The following DIMT1 variants were observed in gnomAD, a reference collection of about 807,000 sequenced individuals.
DIMT1 encodes dimethyladenosine transferase.
Under a neutral mutation model 43.2 loss-of-function variants are expected in DIMT1, and 36 were observed. The ratio of observed to expected loss-of-function variants is 0.83; its 90% confidence interval spans 0.64 to 1.10. The LOEUF is 1.10. Among genes scored for constraint, DIMT1 ranks in the 50% least tolerant of loss-of-function variants. The probability of loss-of-function intolerance (pLI) is 0.00; values close to 1 mark genes in which losing one functional copy is unlikely to be tolerated. For missense variants in DIMT1, 341 were observed against 385.3 expected, an observed-to-expected ratio of 0.88 and a Z score of 0.96; for synonymous variants, 126 against 130.3, an observed-to-expected ratio of 0.97 and a Z score of 0.22.
rs763891562 is a variant in DIMT1 at position 62,402,134 on chromosome 5, C to G, written c.154-12G>C. 2 of 1,613,536 alleles carry G rather than the reference C, an allele frequency of 1.2e-6. No individual in the cohort carries two copies. The highest frequency in any genetic ancestry group is 1.7e-6 in the Non-Finnish European group (2 of 1,179,648). ...GGTCTTAAGGCAGCCTAAAAGCAAG[C>G]ACAAACACTTTAGCTCTTCTGGCAA... is the stretch of plus-strand genomic sequence containing the variant. On this transcript the variant is annotated splice_polypyrimidine_tract_variant and intron_variant, in intron 2 of 11. Coordinates refer to ENST00000199320, the MANE Select transcript of DIMT1 (RefSeq NM_014473.4).
chr5:62,395,693 T>C (rs555545239), intron 6 of DIMT1, among the ~76,000 whole-genome samples: 1 of 152,264 alleles, frequency 6.6e-6, no homozygotes, highest in South Asian at 2.1e-4. Flanking sequence ...TCAAAGTTCA[T>C]GGAAATATTG....
At chr5:62,400,697 G>C (rs925538185) in intron 3 of DIMT1, among the ~76,000 whole-genome samples, 1 of 150,314 alleles carries the variant, frequency 6.7e-6, no homozygotes, top group African/African-American at 2.5e-5. Flanking sequence ...CTTCTATATA[G>C]ACCCTGTTTA....
chr5:62,391,858 C>T (rs2112035766), intron 10 of DIMT1: 1 of 1,493,096 alleles, frequency 6.7e-7, no homozygotes, highest in South Asian at 1.3e-5. Flanking sequence ...TTAAGTTGTG[C>T]AAGCTACACA....
Position 62,388,576 on chromosome 5 carries a change from G to A in DIMT1, c.*434C>T, listed in dbSNP as rs962627550. 6.3e-6 allele frequency: 1 copy of A among 158,754 alleles called. No homozygotes were observed. The allele number at this position is 158,754 out of a possible 1,614,324, so 9.8% of individuals were successfully genotyped here. On this transcript the variant is annotated 3_prime_UTR_variant, in exon 12 of 12. Coordinates refer to ENST00000199320, the MANE Select transcript of DIMT1 (RefSeq NM_014473.4). ...ACATGTGAATAACAAGAAATGGTAC[G>A]GGGAATGTGAATAACACGAAATGGT...
chr5:62,402,821 C>T lies in DIMT1; in HGVS notation c.153+452G>A, dbSNP rs1229095353. On this transcript the variant is annotated intron_variant, in intron 2 of 11. Coordinates refer to ENST00000199320, the MANE Select transcript of DIMT1 (RefSeq NM_014473.4). ...CCAATCATCCATAACCATAAGAGAA[C>T]ATCAATAACTCAGAAAGCAGTAATA... Among the ~76,000 whole-genome samples, 4 of 152,248 alleles carry T rather than the reference C, an allele frequency of 2.6e-5. No homozygotes were observed. The South Asian group carries it at 6.2e-4, about 24-fold the overall frequency.
chr5:62,389,428 G>A (rs574808038), intron 11 of DIMT1, among the ~76,000 whole-genome samples: 1 of 139,902 alleles, frequency 7.1e-6, no homozygotes, highest in East Asian at 2.3e-4. Flanking sequence ...GGAGGTTGCA[G>A]TGAGCTGAGA....
intron 6 of DIMT1, chr5:62,398,309 T>C (rs1452462862): frequency 5.5e-6 from 3 of 548,844 alleles, no homozygotes; most frequent in African/African-American, 1.9e-5. Flanking sequence ...AAAGGCTGTC[T>C]GGTCTCAGAA....
At chr5:62,392,686 A>C in intron 9 of DIMT1, 1 of 413,950 alleles carries the variant, frequency 2.4e-6, no homozygotes, top group South Asian at 5.0e-5. Flanking sequence ...ATATATGGTC[A>C]GAGTTTGGGA....
chr5:62,398,579 G>A lies in DIMT1; in HGVS notation c.397-19C>T, dbSNP rs1561292423. ...AAGAGATCTGTAAGAGAATTAACTAGTTATTTCCGGGAAAGACACATCAGA... is the reference window on the plus strand; with the variant it reads ...AAGAGATCTGTAAGAGAATTAACTAATTATTTCCGGGAAAGACACATCAGA... On this transcript the variant is annotated intron_variant, in intron 5 of 11. Transcript: ENST00000199320. 3 of 1,612,982 alleles carry A rather than the reference G, an allele frequency of 1.9e-6. No homozygotes were observed. In the South Asian group the frequency reaches 3.3e-5, roughly 18 times the overall value.
At chr5:62,397,052 C>T (rs1324589702) in intron 6 of DIMT1, among the ~76,000 whole-genome samples, 3 of 152,158 alleles carry the variant, frequency 2.0e-5, no homozygotes, top group East Asian at 1.9e-4. Flanking sequence ...TGAGTTCAAG[C>T]GATTCCCCTG....
intron 8 of DIMT1, 42 bp from the exon 9 acceptor site, chr5:62,393,032 T>C (rs1314152305): frequency 6.9e-7 from 1 of 1,439,732 alleles, no homozygotes; most frequent in Non-Finnish European, 9.7e-7. Flanking sequence ...TACAAACTTC[T>C]TGTTCTTGTC....
At position 62,394,062 on chromosome 5, in the gene DIMT1, GTATT is replaced by G. The variant is rs1742396734; in HGVS notation, c.571-19_571-16del. On this transcript the variant is annotated splice_polypyrimidine_tract_variant and intron_variant, in intron 7 of 11. Transcript: ENST00000199320. ...TTCTTTCCCACCTGTTAATGAAAAA[GTATT>G]TAAGTAGTACTCACAAAGGCAACTT... 1 of 1,609,172 alleles carries G rather than the reference GTATT, an allele frequency of 6.2e-7. No individual in the cohort carries two copies. Among genetic ancestry groups the G allele is most frequent in the East Asian group, 2.2e-5 (1 of 44,776 alleles).
chr5:62,391,060 A>G, intron 10 of DIMT1, 78 bp from the exon 11 acceptor site: 7 of 1,196,268 alleles, frequency 5.9e-6, no homozygotes, highest in Non-Finnish European at 8.7e-6. Flanking sequence ...TAGTTCAGTA[A>G]GTCATAAAAT....
At chr5:62,394,119 C>G in intron 7 of DIMT1, 72 bp from the exon 8 acceptor site, 1 of 1,306,980 alleles carries the variant, frequency 7.7e-7, no homozygotes, top group Non-Finnish European at 1.1e-6. Flanking sequence ...ATGCTATCCT[C>G]ACAGAAGGCA....
chr5:62,393,965 ATGGG>A lies in DIMT1; in HGVS notation c.649_652del (p.Pro217SerfsTer9). 6.2e-7 allele frequency: 1 copy of A among 1,607,372 alleles called. No individual in the cohort carries two copies. Among genetic ancestry groups the A allele is most frequent in the African/African-American group, 1.3e-5 (1 of 74,494 alleles). On this transcript the variant is annotated frameshift_variant, in exon 8 of 12. Transcript: ENST00000199320. LOFTEE classifies it high-confidence loss of function. ...GTATTTTAACCTCACCTGAAAATTG[ATGGG>A]TGGTGGTGGATTCTTAGGTTCTATC...
At position 62,403,868 on chromosome 5, in the gene DIMT1, C is replaced by G. The variant is rs1742807927; in HGVS notation, c.-96G>C. On this transcript the variant is annotated 5_prime_UTR_variant, in exon 1 of 12. Transcript: ENST00000199320. ...CCACGTGGGGATCGCCGCCACGCGC[C>G]GCCCGCACCACTCTGGCCCAAGCGC... The G allele has an allele frequency of 8.3e-6, 11 of 1,326,454 alleles. No homozygotes were observed. Among genetic ancestry groups the G allele is most frequent in the Non-Finnish European group, 1.1e-5 (11 of 960,750 alleles). 82.2% of individuals were successfully genotyped at this position (1,326,454 alleles called of 1,614,324 possible).
chr5:62,399,631 G>A (rs1295889217), intron 3 of DIMT1, among the ~76,000 whole-genome samples: 1 of 148,500 alleles, frequency 6.7e-6, no homozygotes, highest in African/African-American at 2.5e-5. Flanking sequence ...GTGACAAAGT[G>A]AGACTCCATC....
At chr5:62,390,811 A>T in intron 11 of DIMT1, 65 bp downstream of exon 11, 3 of 1,358,188 alleles carry the variant, frequency 2.2e-6, no homozygotes, top group Non-Finnish European at 3.2e-6. Flanking sequence ...AGCCTTTAAA[A>T]TCTCCAATCT....
At chr5:62,403,136 C>T (rs1016042817) in intron 2 of DIMT1, 137 bp downstream of exon 2, 4 of 760,908 alleles carry the variant, frequency 5.3e-6, no homozygotes, top group Non-Finnish European at 8.5e-6. Flanking sequence ...CCCAAGAATC[C>T]TAGACAATTA....
Sources: gnomAD v4.1 joint callset for allele counts (sites outside exome capture counted in the v4.1 genomes callset) on GRCh38, gnomAD v4.1.1 for gene constraint, MANE v1.5 for transcripts, NCBI Gene and HGNC (gene_info 2026-07-23, HGNC 2026-07-21) for gene names.